TDRP: variants seen among roughly 807,000 people sequenced by gnomAD.
TDRP encodes testis development related protein, also known as testis development-related protein.
In TDRP, 12 loss-of-function variants were observed where a neutral mutation model predicts 10.5. The observed-to-expected ratio is 1.15, with a 90% CI of 0.73 to 1.86. The LOEUF (loss-of-function observed/expected upper bound fraction) is 1.86. Among genes scored for constraint, TDRP ranks in the 40% most tolerant of loss-of-function variants. The probability of loss-of-function intolerance (pLI) is 0.00; values close to 1 mark genes in which losing one functional copy is unlikely to be tolerated. For synonymous variants in TDRP, 139 were observed against 95.4 expected (o/e 1.46, Z -2.67); for missense variants, 353 against 229.2 (o/e 1.54, Z -3.49).
At chr8:544,014 C>G (rs1802569557) in intron 1 of TDRP, among the ~76,000 whole-genome samples, 1 of 152,092 alleles carries the variant, frequency 6.6e-6, no homozygotes, top group Non-Finnish European at 1.5e-5. Flanking sequence ...CTAGACATAC[C>G]AAACATATCT....
chr8:516,524 T>C (rs1028681908), intron 1 of TDRP, among the ~76,000 whole-genome samples: 3 of 152,090 alleles, frequency 2.0e-5, no homozygotes, highest in Non-Finnish European at 4.4e-5. Flanking sequence ...ACAACATCTG[T>C]CATCAGGGAA....
At chr8:502,184 C>T (rs765701609) in intron 1 of TDRP, among the ~76,000 whole-genome samples, 13 of 152,258 alleles carry the variant, frequency 8.5e-5, no homozygotes, top group Non-Finnish European at 1.6e-4. Context: ...CACAGAACAG[C>T]TTAGTCTTCT....
At chr8:521,005 A>G (rs1390483560) in intron 1 of TDRP, among the ~76,000 whole-genome samples, 1 of 152,110 alleles carries the variant, frequency 6.6e-6, no homozygotes, top group Non-Finnish European at 1.5e-5. Flanking sequence ...AATCATTGCC[A>G]AATCCAATGC....
intron 1 of TDRP, among the ~76,000 whole-genome samples, chr8:527,467 G>C (rs536402747): frequency 4.9e-4 from 74 of 151,942 alleles, no homozygotes; most frequent in African/African-American, 1.6e-3. Context: ...GCTATCCTGA[G>C]CAAAAAGAAC....
upstream of TDRP, chr8:545,603 G>C (rs903766950): frequency 1.3e-5 from 2 of 152,168 alleles, no homozygotes; most frequent in Admixed American, 1.3e-4. Context: ...TCCGCGGAGC[G>C]GCGCCTGTAC....
At chr8:544,063 A>G (rs1270756414) in intron 1 of TDRP, among the ~76,000 whole-genome samples, 1 of 152,196 alleles carries the variant, frequency 6.6e-6, no homozygotes, top group Non-Finnish European at 1.5e-5. Context: ...TTTTCAGTAC[A>G]AAGGACTTCT....
chr8:533,573 G>A (rs1345504990), intron 1 of TDRP, among the ~76,000 whole-genome samples: 1 of 152,092 alleles, frequency 6.6e-6, no homozygotes, highest in Non-Finnish European at 1.5e-5. Flanking sequence ...CGTTTCATCG[G>A]CATCTTGCCC....
At chr8:515,933 G>T (rs775794108) in intron 1 of TDRP, among the ~76,000 whole-genome samples, 1 of 151,886 alleles carries the variant, frequency 6.6e-6, no homozygotes, top group Non-Finnish European at 1.5e-5. Flanking sequence ...AAAATAAATG[G>T]CTTTATTACA....
At chr8:508,038 G>A (rs941042935) in intron 1 of TDRP, among the ~76,000 whole-genome samples, 1 of 152,080 alleles carries the variant, frequency 6.6e-6, no homozygotes, top group Non-Finnish European at 1.5e-5. Flanking sequence ...CCAGATCTGT[G>A]GATTTAACAG....
At chr8:533,563 C>G (rs1245691335) in intron 1 of TDRP, among the ~76,000 whole-genome samples, 1 of 152,188 alleles carries the variant, frequency 6.6e-6, no homozygotes, top group Admixed American at 6.5e-5. Flanking sequence ...GAACCCCAGA[C>G]GTTTCATCGG....
At chr8:511,869 C>G (rs186372328) in intron 1 of TDRP, among the ~76,000 whole-genome samples, 1 of 152,006 alleles carries the variant, frequency 6.6e-6, no homozygotes, top group Non-Finnish European at 1.5e-5. Flanking sequence ...TACTTGTAAA[C>G]AAAGTGAAGA....
rs779758701 is a variant in TDRP at position 492,700 on chromosome 8, G to A, written c.257C>T (p.Ser86Phe). The A allele has an allele frequency of 6.2e-7, 1 of 1,613,836 alleles. No homozygotes were observed. Among genetic ancestry groups the A allele is most frequent in the Non-Finnish European group, 8.5e-7 (1 of 1,179,816 alleles). The change falls in exon 3 of 3, where the codon TCT becomes TTT. Residue 86 changes from serine to phenylalanine, a missense_variant. By Grantham distance (155) the Ser-to-Phe change is radical. Coordinates refer to ENST00000324079, the MANE Select transcript of TDRP (RefSeq NM_001384899.1). The part of the protein sequence containing the change: ...LKEELKAEKK[S>F]GFWDNLVLKQ... ...TAAAACCAAATTGTCCCAAAATCCAGATTTCTTCTCTGCCTTCAACTCTTC... is the reference window on the plus strand; with the variant it reads ...TAAAACCAAATTGTCCCAAAATCCAAATTTCTTCTCTGCCTTCAACTCTTC...
rs1331590335 is a variant in TDRP, at chr8:490,845, C to T, written c.*1554G>A. The stretch of plus-strand genomic sequence containing the variant: ...TGAACACCAATTGAAACATGTCCCC[C>T]TTTCAAGACTTGATAAGTAAACTTC... On this transcript the variant is annotated 3_prime_UTR_variant, in exon 3 of 3. Transcript: ENST00000324079. The T allele has an allele frequency of 6.6e-6, 1 of 152,078 alleles. No individual in the cohort carries two copies. The highest frequency in any genetic ancestry group is 1.5e-5 in the Non-Finnish European group (1 of 68,012). The allele number at this position is 152,078 out of a possible 1,614,324, so 9.4% of individuals were successfully genotyped here. A position where few individuals can be genotyped will look rare whatever the true frequency, so the allele number is the denominator to read the frequency against.
chr8:534,694 T>C (rs923227220), intron 1 of TDRP, among the ~76,000 whole-genome samples: 1 of 152,228 alleles, frequency 6.6e-6, no homozygotes, highest in Non-Finnish European at 1.5e-5. Flanking sequence ...CGCTGGGTGA[T>C]GATGAGTGTT....
At position 492,561 on chromosome 8, in the gene TDRP, G is replaced by A. The variant is rs376913631; in HGVS notation, c.396C>T (p.Ser132=). The change falls in exon 3 of 3, where the codon TCC becomes TCT. Residue 132 remains serine (S), a synonymous_variant. Transcript: ENST00000324079. ...DPEDTVGGHP[S]WSGWEDDAKG... ...TGGCGTCATCCTCCCAGCCTGACCA[G>A]GATGGGTGGCCACCCACGGTGTCCT... 2.7e-5 allele frequency: 44 copies of A among 1,612,998 alleles called. No homozygotes were observed. Among genetic ancestry groups the A allele is most frequent in the Non-Finnish European group, 3.6e-5 (42 of 1,179,396 alleles).
At chr8:543,927 A>AGGGGGGGGG (rs1196311229) in intron 1 of TDRP, among the ~76,000 whole-genome samples, 1 of 11,394 alleles carries the variant, frequency 8.8e-5, no homozygotes, top group Admixed American at 8.4e-4. Context: ...GGAAAAAGGG[A>AGGGGGGGGG]GGGGGGGGGA....
At chr8:542,968 G>T (rs182084045) in intron 1 of TDRP, among the ~76,000 whole-genome samples, 1 of 151,104 alleles carries the variant, frequency 6.6e-6, no homozygotes, top group Non-Finnish European at 1.5e-5. Context: ...ATACGAGGAA[G>T]AATCTCCTAT....
At position 492,868 on chromosome 8, in the gene TDRP, A is replaced by C. The variant is rs908419508; in HGVS notation, c.213-124T>G. 1.2e-5 allele frequency: 9 copies of C among 770,802 alleles called. No individual in the cohort carries two copies. In the African/African-American group the frequency reaches 1.4e-4, roughly 12 times the overall value. 47.7% of individuals were successfully genotyped at this position (770,802 alleles called of 1,614,324 possible). On this transcript the variant is annotated intron_variant, in intron 2 of 2. Transcript: ENST00000324079. ...TTGTTTAGAAAACTAACACAAGTCT[A>C]TATGAAAAGTTTCAAATATTAAAAT...
intron 1 of TDRP, among the ~76,000 whole-genome samples, chr8:540,990 G>A (rs1234882324): frequency 6.6e-6 from 1 of 152,140 alleles, no homozygotes; most frequent in Admixed American, 6.5e-5. Flanking sequence ...AAACAGAATT[G>A]AGAACTTCTA....
Sources: allele counts gnomAD v4.1 joint callset (sites outside exome capture counted in the v4.1 genomes callset), GRCh38; gene constraint gnomAD v4.1.1; transcripts MANE v1.5; gene names NCBI Gene and HGNC (gene_info 2026-07-23, HGNC 2026-07-21).